DGKB: variants seen among roughly 807,000 people sequenced by gnomAD.
The protein encoded by DGKB is diacylglycerol kinase beta.
In DGKB, 67 loss-of-function variants were observed where a neutral mutation model predicts 114.3. The ratio of observed to expected loss-of-function variants is 0.59; its 90% confidence interval spans 0.48 to 0.72. The LOEUF (loss-of-function observed/expected upper bound fraction) is 0.72, where lower values mean the gene tolerates loss of function less well. DGKB is among the 30% of genes least tolerant of loss of function. DGKB has a pLI of 0.00. For missense variants in DGKB, 907 were observed against 975.2 expected, an observed-to-expected ratio of 0.93 and a Z score of 0.93; for synonymous variants, 398 against 323.1, an observed-to-expected ratio of 1.23 and a Z score of -2.49.
chr7:14,176,512 A>G, intron 25 of DGKB: 1 of 1,025,828 alleles, frequency 9.7e-7, no homozygotes, highest in African/African-American at 1.7e-5. Context: ...GCTCTGAAAT[A>G]AACAAAAAAG....
At position 14,651,032 on chromosome 7, in the gene DGKB, C is replaced by G. The variant is rs936687100; in HGVS notation, c.1135-20764G>C. ...AGCTTACCAACCAAAAAGAGTCCAGCACCAGATGGATTCACAGCCGAATTC... is the reference window on the plus strand; with the variant it reads ...AGCTTACCAACCAAAAAGAGTCCAGGACCAGATGGATTCACAGCCGAATTC... On this transcript the variant is annotated intron_variant, in intron 13 of 25. Coordinates refer to ENST00000402815, the MANE Select transcript of DGKB (RefSeq NM_001350709.2). 3.7e-4 allele frequency among the ~76,000 whole-genome samples: 56 copies of G among 152,192 alleles called. No individual in the cohort carries two copies. In the South Asian group the frequency reaches 3.7e-3, roughly 10 times the overall value.
chr7:14,730,724 G>A (rs1485037970), intron 5 of DGKB, among the ~76,000 whole-genome samples: 1 of 152,150 alleles, frequency 6.6e-6, no homozygotes, highest in African/African-American at 2.4e-5. Context: ...GTTACTTCAG[G>A]TGGGAATGAA....
chr7:14,778,289 T>C (rs2128483653), intron 2 of DGKB, among the ~76,000 whole-genome samples: 1 of 152,360 alleles, frequency 6.6e-6, no homozygotes, highest in South Asian at 2.1e-4. Context: ...GCTTTTCCAG[T>C]TCTAAAACAT....
At chr7:14,859,685 T>G (rs1478118070) in intron 1 of DGKB, among the ~76,000 whole-genome samples, 2 of 152,144 alleles carry the variant, frequency 1.3e-5, no homozygotes, top group Non-Finnish European at 2.9e-5. Flanking sequence ...AGTAACTACA[T>G]TATCTTGATG....
intron 20 of DGKB, among the ~76,000 whole-genome samples, chr7:14,573,383 AC>A (rs1798661928): frequency 6.6e-6 from 1 of 151,984 alleles, no homozygotes; most frequent in Non-Finnish European, 1.5e-5. Context: ...TTGCTTAAAG[AC>A]TTTTACCCAG....
At chr7:14,193,849 A>AT (rs1356350592) in intron 23 of DGKB, among the ~76,000 whole-genome samples, 4 of 152,156 alleles carry the variant, frequency 2.6e-5, no homozygotes, top group African/African-American at 9.7e-5. Flanking sequence ...TCAATGGGAA[A>AT]AAAACCCCCA....
At chr7:14,199,485 T>C (rs974341161) in intron 23 of DGKB, among the ~76,000 whole-genome samples, 8 of 152,002 alleles carry the variant, frequency 5.3e-5, no homozygotes, top group Non-Finnish European at 8.8e-5. Flanking sequence ...CAAAGTAAGA[T>C]AGAGTAACTA....
chr7:14,722,961 A>G (rs1252028876), intron 5 of DGKB, among the ~76,000 whole-genome samples: 2 of 151,482 alleles, frequency 1.3e-5, no homozygotes, highest in South Asian at 4.2e-4. Flanking sequence ...TCCTCAATCT[A>G]TCTCCACAGG....
intron 2 of DGKB, among the ~76,000 whole-genome samples, chr7:14,773,532 A>G (rs1000040599): frequency 3.9e-5 from 6 of 152,178 alleles, no homozygotes; most frequent in Non-Finnish European, 7.3e-5. Flanking sequence ...GAGTGAGAAA[A>G]GCAAAAAATA....
intron 23 of DGKB, among the ~76,000 whole-genome samples, chr7:14,331,192 GATCT>G (rs908926490): frequency 6.6e-5 from 10 of 151,796 alleles, no homozygotes; most frequent in African/African-American, 1.7e-4. Flanking sequence ...CAAATGTTTG[GATCT>G]ATCTATTTTC....
intron 6 of DGKB, among the ~76,000 whole-genome samples, chr7:14,715,764 T>C (rs1446647544): frequency 6.6e-6 from 1 of 152,240 alleles, no homozygotes; most frequent in Non-Finnish European, 1.5e-5. Flanking sequence ...ATAACACCCT[T>C]TCCTTCTATG....
chr7:14,856,669 A>T (rs1850198869), intron 1 of DGKB, among the ~76,000 whole-genome samples: 1 of 151,962 alleles, frequency 6.6e-6, no homozygotes, highest in African/African-American at 2.4e-5. Context: ...GTGTGTGTAT[A>T]TATATATAAA....
chr7:14,250,049 C>A (rs1253399493), intron 23 of DGKB, among the ~76,000 whole-genome samples: 2 of 151,570 alleles, frequency 1.3e-5, no homozygotes, highest in African/African-American at 4.8e-5. Flanking sequence ...CAACCTCCTG[C>A]ATTCAATGGA....
chr7:14,866,054 A>T (rs923434480), intron 1 of DGKB, among the ~76,000 whole-genome samples: 2 of 152,206 alleles, frequency 1.3e-5, no homozygotes, highest in African/African-American at 4.8e-5. Context: ...TACTTCCAAC[A>T]CAAGAGTCCT....
chr7:14,949,616 T>G lies in DGKB; in HGVS notation c.-188+25080A>C, dbSNP rs1043013149. On this transcript the variant is annotated intron_variant, in intron 1 of 4. Transcript: ENST00000437998. Reference sequence around the variant, plus strand: ...AAAGTAATAATACCTGAACACTTACTAAATTTGATGAAAAACATTGATCTA... The same window carrying G: ...AAAGTAATAATACCTGAACACTTACGAAATTTGATGAAAAACATTGATCTA... 4.1e-4 allele frequency among the ~76,000 whole-genome samples: 63 copies of G among 151,934 alleles called. 1 individual carries two copies. Among genetic ancestry groups the G allele is most frequent in the African/African-American group, 1.5e-3 (61 of 41,410 alleles).
At chr7:14,586,951 T>C (rs116103433) in intron 17 of DGKB, among the ~76,000 whole-genome samples, 185 of 152,284 alleles carry the variant, frequency 1.2e-3, no homozygotes, top group African/African-American at 4.4e-3. Flanking sequence ...AGATGAATGT[T>C]GTTTTCATGC....
At chr7:14,653,420 C>G (rs1389739999) in intron 13 of DGKB, among the ~76,000 whole-genome samples, 2 of 152,054 alleles carry the variant, frequency 1.3e-5, no homozygotes, top group Non-Finnish European at 2.9e-5. Context: ...AAACCAAACA[C>G]CGCATATTCT....
chr7:14,662,590 A>G (rs1817345564), intron 13 of DGKB, among the ~76,000 whole-genome samples: 1 of 151,988 alleles, frequency 6.6e-6, no homozygotes, highest in Admixed American at 6.6e-5. Flanking sequence ...CTAGACAAAA[A>G]CAGTTTCAAC....
At chr7:14,898,830 GC>G (rs777911179) in intron 1 of DGKB, among the ~76,000 whole-genome samples, 6 of 152,074 alleles carry the variant, frequency 3.9e-5, no homozygotes, top group Non-Finnish European at 8.8e-5. Context: ...GAAGGTAACA[GC>G]TTTTGTGCTC....
Sources: gnomAD v4.1 joint callset for allele counts (sites outside exome capture counted in the v4.1 genomes callset) on GRCh38, gnomAD v4.1.1 for gene constraint, MANE v1.5 for transcripts, NCBI Gene and HGNC (gene_info 2026-07-23, HGNC 2026-07-21) for gene names.